Variants in SLC25A21 observed in about 807,000 individuals in gnomAD.
SLC25A21 encodes solute carrier family 25 member 21.
SLC25A21 carries 47 observed loss-of-function variants against 43.8 expected under a neutral mutation model. The observed-to-expected ratio is 1.07, with a 90% CI of 0.85 to 1.37. The LOEUF (loss-of-function observed/expected upper bound fraction) is 1.37. SLC25A21 is among the 40% of genes most tolerant of loss of function. The probability of loss-of-function intolerance (pLI) is 0.00; values close to 1 mark genes in which losing one functional copy is unlikely to be tolerated. For synonymous variants in SLC25A21, 131 were observed against 121.3 expected, an observed-to-expected ratio of 1.08 and a Z score of -0.52; for missense variants, 352 against 350.2, an observed-to-expected ratio of 1.00 and a Z score of -0.04.
intron 3 of SLC25A21, among the ~76,000 whole-genome samples, chr14:36,748,596 T>C (rs1038144738): frequency 6.6e-6 from 1 of 152,202 alleles, no homozygotes; most frequent in Non-Finnish European, 1.5e-5. Context: ...CCAAACTCCT[T>C]CAGTCAATAT....
chr14:36,804,893 T>A (rs539522830), intron 3 of SLC25A21, among the ~76,000 whole-genome samples: 1 of 152,216 alleles, frequency 6.6e-6, no homozygotes, highest in Non-Finnish European at 1.5e-5. Context: ...TTGGTTTTGG[T>A]AAAGCCATAC....
intron 3 of SLC25A21, among the ~76,000 whole-genome samples, chr14:36,740,321 G>A (rs548812944): frequency 6.6e-6 from 1 of 152,076 alleles, no homozygotes; most frequent in Non-Finnish European, 1.5e-5. Context: ...ACCACAGATG[G>A]AATACAGAGA....
chr14:36,695,938 C>A (rs1034069368), intron 7 of SLC25A21, among the ~76,000 whole-genome samples: 1 of 152,198 alleles, frequency 6.6e-6, no homozygotes, highest in African/African-American at 2.4e-5. Flanking sequence ...GAACTTCCAA[C>A]ACTATGTTGA....
chr14:37,044,590 T>G (rs1188099100), intron 1 of SLC25A21, among the ~76,000 whole-genome samples: 1 of 152,206 alleles, frequency 6.6e-6, no homozygotes, highest in Admixed American at 6.5e-5. Context: ...ATAGGAACAC[T>G]GGCTTTGTAT....
chr14:36,838,831 C>T (rs150916741), intron 2 of SLC25A21, among the ~76,000 whole-genome samples: 2 of 152,154 alleles, frequency 1.3e-5, no homozygotes, highest in Non-Finnish European at 2.9e-5. Context: ...TAGAAACACA[C>T]CTTTCTCCCT....
At position 36,688,898 on chromosome 14, in the gene SLC25A21, C is replaced by T. The variant is rs551400708; in HGVS notation, c.604-3973G>A. On this transcript the variant is annotated intron_variant, in intron 7 of 9. Coordinates refer to ENST00000331299, the MANE Select transcript of SLC25A21 (RefSeq NM_030631.4). ...ATAAGAAGGGATTTTTTGTTACATC[C>T]GAGTGAACCCAAGACTTTGCCTCAA... 3.3e-5 allele frequency among the ~76,000 whole-genome samples: 5 copies of T among 152,224 alleles called. No homozygotes were observed. In the South Asian group the frequency reaches 6.2e-4, roughly 19 times the overall value.
intron 1 of SLC25A21, among the ~76,000 whole-genome samples, chr14:36,909,298 G>T (rs1483159107): frequency 6.6e-6 from 1 of 152,108 alleles, no homozygotes; most frequent in African/African-American, 2.4e-5. Flanking sequence ...CCTTGCAAGG[G>T]GATGAGACCC....
intron 6 of SLC25A21, among the ~76,000 whole-genome samples, chr14:36,719,839 C>T (rs1051729920): frequency 6.6e-6 from 1 of 152,148 alleles, no homozygotes; most frequent in Non-Finnish European, 1.5e-5. Flanking sequence ...ATACTTCTGA[C>T]TGGGTACAGG....
At chr14:37,072,679 G>C (rs1048791220) in intron 1 of SLC25A21, among the ~76,000 whole-genome samples, 1 of 152,138 alleles carries the variant, frequency 6.6e-6, no homozygotes, top group African/African-American at 2.4e-5. Flanking sequence ...AGATGGCAGA[G>C]GCTGCAGTGA....
intron 1 of SLC25A21, among the ~76,000 whole-genome samples, chr14:37,047,253 A>G (rs1444976648): frequency 6.6e-6 from 1 of 152,186 alleles, no homozygotes; most frequent in Non-Finnish European, 1.5e-5. Context: ...GCTGAAGGGA[A>G]CATGGACTGG....
intron 1 of SLC25A21, among the ~76,000 whole-genome samples, chr14:37,109,029 G>A (rs1962970694): frequency 1.3e-5 from 2 of 151,988 alleles, no homozygotes; most frequent in Non-Finnish European, 2.9e-5. Flanking sequence ...AATAAGGCAA[G>A]AAAACTAAAT....
chr14:36,751,302 C>G (rs145633318), intron 3 of SLC25A21, among the ~76,000 whole-genome samples: 1 of 152,076 alleles, frequency 6.6e-6, no homozygotes, highest in Non-Finnish European at 1.5e-5. Flanking sequence ...AGGAAGTAGC[C>G]CCTGCTGTAA....
intron 1 of SLC25A21, among the ~76,000 whole-genome samples, chr14:36,976,581 G>A (rs940790396): frequency 6.6e-6 from 1 of 152,172 alleles, no homozygotes; most frequent in South Asian, 2.1e-4. Flanking sequence ...CCTGTGCAAC[G>A]TGAGGTCAGG....
intron 2 of SLC25A21, among the ~76,000 whole-genome samples, chr14:36,836,118 C>T (rs1034962200): frequency 2.6e-5 from 4 of 152,164 alleles, no homozygotes; most frequent in East Asian, 1.9e-4. Flanking sequence ...GAAGAATATG[C>T]GGCCTGGTTA....
At chr14:36,862,074 C>T (rs1343913910) in intron 2 of SLC25A21, among the ~76,000 whole-genome samples, 2 of 152,136 alleles carry the variant, frequency 1.3e-5, no homozygotes, top group African/African-American at 4.8e-5. Context: ...CATCTCATGC[C>T]AGTTAGAATG....
At chr14:36,890,726 G>A (rs1033064392) in intron 1 of SLC25A21, among the ~76,000 whole-genome samples, 39 of 152,124 alleles carry the variant, frequency 2.6e-4, no homozygotes, top group Non-Finnish European at 5.9e-5. Context: ...GAGCAACCAC[G>A]TGGAGGAGTA....
intron 1 of SLC25A21, among the ~76,000 whole-genome samples, chr14:37,099,223 A>AT (rs1962769281): frequency 6.6e-6 from 1 of 152,018 alleles, no homozygotes; most frequent in Non-Finnish European, 1.5e-5. Flanking sequence ...TCTCCTCCCT[A>AT]CCTTCCCCAG....
intron 1 of SLC25A21, among the ~76,000 whole-genome samples, chr14:37,127,043 C>G: frequency 6.6e-6 from 1 of 152,068 alleles, no homozygotes; most frequent in East Asian, 1.9e-4. Flanking sequence ...TTGCCCATCC[C>G]CAGCCTGGTT....
intron 1 of SLC25A21, among the ~76,000 whole-genome samples, chr14:36,957,951 C>T (rs1373949298): frequency 6.6e-6 from 1 of 152,166 alleles, no homozygotes; most frequent in Non-Finnish European, 1.5e-5. Flanking sequence ...CCTAATCTTT[C>T]CAATGGAAAT....
Sources: allele counts gnomAD v4.1 joint callset (sites outside exome capture counted in the v4.1 genomes callset), GRCh38; gene constraint gnomAD v4.1.1; transcripts MANE v1.5; gene names NCBI Gene and HGNC (gene_info 2026-07-23, HGNC 2026-07-21).